SETBP1: variants seen among roughly 807,000 people sequenced by gnomAD.
SETBP1 encodes SET binding protein 1.
In SETBP1, 9 loss-of-function variants were observed where a neutral mutation model predicts 101.0. That is an observed-to-expected ratio of 0.09 (90% CI 0.05 to 0.16). The LOEUF (loss-of-function observed/expected upper bound fraction) is 0.16. SETBP1 is among the 10% of genes least tolerant of loss of function. The pLI, the probability that SETBP1 is intolerant of heterozygous loss-of-function variation, is 1.00. For synonymous variants in SETBP1, 818 were observed against 788.5 expected (o/e 1.04, Z -0.63); for missense variants, 1,858 against 2,033.8 (o/e 0.91, Z 1.66).
At chr18:44,971,460 C>T (rs1284118604) in intron 4 of SETBP1, among the ~76,000 whole-genome samples, 1 of 152,182 alleles carries the variant, frequency 6.6e-6, no homozygotes, top group Admixed American at 6.5e-5. Flanking sequence ...CACCGACTTC[C>T]ACAATGGTTG....
intron 2 of SETBP1, among the ~76,000 whole-genome samples, chr18:44,711,704 ATTTT>A (rs11376628): frequency 1.3e-4 from 16 of 125,638 alleles, no homozygotes; most frequent in African/African-American, 4.0e-4. Flanking sequence ...TTATCTTTAA[ATTTT>A]TTTTTTTTTT....
chr18:44,977,828 A>G (rs2072024228), intron 4 of SETBP1, among the ~76,000 whole-genome samples: 1 of 152,024 alleles, frequency 6.6e-6, no homozygotes, highest in South Asian at 2.1e-4. Context: ...CAGCCTTTTC[A>G]TCTCCCCCTT....
intron 3 of SETBP1, among the ~76,000 whole-genome samples, chr18:44,886,469 C>T (rs1462136097): frequency 2.0e-5 from 3 of 152,098 alleles, no homozygotes; most frequent in Non-Finnish European, 2.9e-5. Context: ...TCCTCTTTCT[C>T]GTCTTCTTAT....
intron 2 of SETBP1, among the ~76,000 whole-genome samples, chr18:44,776,626 A>G (rs2071010139): frequency 6.6e-6 from 1 of 152,234 alleles, no homozygotes; most frequent in African/African-American, 2.4e-5. Context: ...GAGCTGTGCC[A>G]TTTGGGCTTA....
chr18:44,726,991 T>G (rs2069721840), intron 2 of SETBP1, among the ~76,000 whole-genome samples: 1 of 152,190 alleles, frequency 6.6e-6, no homozygotes, highest in South Asian at 2.1e-4. Context: ...ATTATCCAAA[T>G]GCAAAATAAA....
At chr18:45,018,944 G>A (rs2073003929) in intron 4 of SETBP1, among the ~76,000 whole-genome samples, 1 of 152,190 alleles carries the variant, frequency 6.6e-6, no homozygotes, top group Admixed American at 6.5e-5. Context: ...ACAATGGAGA[G>A]GAGGCACTGA....
chr18:44,851,737 C>G (rs1416365446), intron 2 of SETBP1, among the ~76,000 whole-genome samples: 1 of 152,170 alleles, frequency 6.6e-6, no homozygotes, highest in Non-Finnish European at 1.5e-5. Context: ...CTTCATGAGT[C>G]TAACATTGAA....
intron 2 of SETBP1, chr18:44,733,017 A>G (rs963651779): frequency 6.6e-6 from 1 of 152,180 alleles, no homozygotes; most frequent in African/African-American, 2.4e-5. Context: ...AAAAAAAATA[A>G]TCAGAAAAAC....
At chr18:44,842,942 C>T (rs1050919845) in intron 2 of SETBP1, among the ~76,000 whole-genome samples, 12 of 152,334 alleles carry the variant, frequency 7.9e-5, no homozygotes, top group Non-Finnish European at 1.8e-4. Context: ...GCTGGCAGAG[C>T]CATGGGGGGA....
At chr18:45,013,118 G>T (rs1341073727) in intron 4 of SETBP1, among the ~76,000 whole-genome samples, 1 of 152,222 alleles carries the variant, frequency 6.6e-6, no homozygotes, top group Non-Finnish European at 1.5e-5. Context: ...GTTGAGCCCC[G>T]TGGTGTCTGC....
chr18:45,043,916 G>A (rs556421127), intron 5 of SETBP1, among the ~76,000 whole-genome samples: 7 of 152,202 alleles, frequency 4.6e-5, no homozygotes, highest in Non-Finnish European at 1.0e-4. Flanking sequence ...CAAATTCTAT[G>A]ATACTTGAGT....
At chr18:45,029,653 G>A (rs546615912) in intron 4 of SETBP1, among the ~76,000 whole-genome samples, 44 of 152,298 alleles carry the variant, frequency 2.9e-4, no homozygotes, top group Non-Finnish European at 5.3e-4. Flanking sequence ...AGCATGGAAT[G>A]TTCTTCCATT....
intron 5 of SETBP1, among the ~76,000 whole-genome samples, chr18:45,059,181 C>T (rs952371377): frequency 6.6e-5 from 10 of 152,158 alleles, no homozygotes; most frequent in African/African-American, 2.4e-4. Flanking sequence ...TATCAACTTA[C>T]AGTCAATCTT....
In SETBP1 at chr18:44,725,407, G is replaced by C. The variant is rs144380482; in HGVS notation, c.486+23575G>C. ...TTGTGTAGCAAAACTGGGTTGGGGG[G>C]TGTGTGTGGAGGGGCAGAGTCTGGG... On this transcript the variant is annotated intron_variant, in intron 2 of 5. Transcript: ENST00000649279. Among the ~76,000 whole-genome samples, 404 of 152,240 alleles carry C rather than the reference G, an allele frequency of 2.7e-3. 4 individuals carry two copies. The highest frequency in any genetic ancestry group is 3.8e-3 in the Non-Finnish European group (261 of 68,026).
intron 2 of SETBP1, among the ~76,000 whole-genome samples, chr18:44,724,535 A>G (rs992231245): frequency 6.6e-6 from 1 of 152,178 alleles, no homozygotes; most frequent in African/African-American, 2.4e-5. Flanking sequence ...TTTTCTGAGC[A>G]TCTTTTGATC....
chr18:44,697,758 C>T (rs759430557), intron 1 of SETBP1, among the ~76,000 whole-genome samples: 22 of 152,274 alleles, frequency 1.4e-4, no homozygotes, highest in Non-Finnish European at 2.8e-4. Flanking sequence ...AATGTCAGTC[C>T]GGCCAAGGAG....
chr18:44,843,808 G>A (rs1220076637), intron 2 of SETBP1, among the ~76,000 whole-genome samples: 1 of 152,058 alleles, frequency 6.6e-6, no homozygotes, highest in Non-Finnish European at 1.5e-5. Context: ...GGCTTGGGAG[G>A]GTCTCAGTGC....
intron 4 of SETBP1, among the ~76,000 whole-genome samples, chr18:44,980,859 A>G (rs759647123): frequency 3.9e-5 from 6 of 152,174 alleles, no homozygotes; most frequent in Non-Finnish European, 8.8e-5. Flanking sequence ...AGCAAGAAAT[A>G]TGGGTCTTCT....
At chr18:45,036,332 C>CAA (rs370732298) in intron 4 of SETBP1, among the ~76,000 whole-genome samples, 1 of 97,316 alleles carries the variant, frequency 1.0e-5, no homozygotes, top group Non-Finnish European at 2.2e-5. Context: ...GACTCTGTCT[C>CAA]AAAAAAAAAA....
Sources: allele counts gnomAD v4.1 joint callset (sites outside exome capture counted in the v4.1 genomes callset), GRCh38; gene constraint gnomAD v4.1.1; transcripts MANE v1.5; gene names NCBI Gene and HGNC (gene_info 2026-07-23, HGNC 2026-07-21).